KIF26B: variants seen among roughly 807,000 people sequenced by gnomAD.
KIF26B encodes kinesin family member 26B.
A neutral mutation model predicts 151.2 loss-of-function variants in KIF26B; 63 were observed. The observed-to-expected ratio is 0.42, with a 90% CI of 0.34 to 0.51. The LOEUF is 0.51. Among genes scored for constraint, KIF26B ranks in the 20% least tolerant of loss-of-function variants. The pLI is 0.07. For missense variants in KIF26B, 2,813 were observed against 2,913.6 expected, an observed-to-expected ratio of 0.97 and a Z score of 0.79; for synonymous variants, 1,357 against 1,262.1, an observed-to-expected ratio of 1.08 and a Z score of -1.59.
intron 5 of KIF26B, among the ~76,000 whole-genome samples, chr1:245,558,388 CT>C (rs1448842051): frequency 2.0e-5 from 3 of 152,234 alleles, no homozygotes; most frequent in Non-Finnish European, 4.4e-5. Context: ...TTTCTCTCAC[CT>C]TCGGGCCTTT....
chr1:245,366,774 C>A (rs1672963421), intron 2 of KIF26B, 60 bp from the exon 3 acceptor site: 1 of 1,543,106 alleles, frequency 6.5e-7, no homozygotes, highest in Non-Finnish European at 8.9e-7. Context: ...AGGTATCTGA[C>A]TTGCACTAGC....
intron 4 of KIF26B, among the ~76,000 whole-genome samples, chr1:245,429,514 A>G (rs1658728610): frequency 6.6e-6 from 1 of 152,288 alleles, no homozygotes; most frequent in South Asian, 2.1e-4. Flanking sequence ...AGTGACCCAT[A>G]CGGAGAGAGA....
At chr1:245,565,849 G>C (rs1380174916) in intron 5 of KIF26B, among the ~76,000 whole-genome samples, 1 of 152,236 alleles carries the variant, frequency 6.6e-6, no homozygotes, top group Admixed American at 6.5e-5. Flanking sequence ...TGGTTCTGCA[G>C]CTGTACAGGA....
At chr1:245,690,975 G>GTTAATGAACTCTTGTTATTC (rs1283071383) in intron 12 of KIF26B, among the ~76,000 whole-genome samples, 1 of 152,188 alleles carries the variant, frequency 6.6e-6, no homozygotes, top group Non-Finnish European at 1.5e-5. Context: ...CCAGTACCTG[G>GTTAATGAACTCTTGTTATTC]TTAATGAACT....
intron 2 of KIF26B, among the ~76,000 whole-genome samples, chr1:245,312,188 TC>T (rs1409713001): frequency 6.6e-6 from 1 of 152,150 alleles, no homozygotes; most frequent in Non-Finnish European, 1.5e-5. Context: ...CCACCTCCCT[TC>T]CCGCCAGGTA....
chr1:245,616,702 GCAT>G (rs1348478767), intron 9 of KIF26B, among the ~76,000 whole-genome samples: 1 of 152,202 alleles, frequency 6.6e-6, no homozygotes, highest in East Asian at 1.9e-4. Context: ...TCCCCTTGTG[GCAT>G]CATATTGGCC....
intron 10 of KIF26B, among the ~76,000 whole-genome samples, chr1:245,682,274 C>T (rs893399399): frequency 2.0e-5 from 3 of 152,134 alleles, no homozygotes; most frequent in South Asian, 2.1e-4. Flanking sequence ...AAAAAGTCAT[C>T]GAAATGACAG....
chr1:245,637,292 C>G (rs2043843712), intron 9 of KIF26B, among the ~76,000 whole-genome samples: 1 of 151,988 alleles, frequency 6.6e-6, no homozygotes, highest in African/African-American at 2.4e-5. Flanking sequence ...TCACATACCT[C>G]TTGGCCACTT....
In KIF26B at chr1:245,656,326, G is replaced by A. The variant is rs761878531; in HGVS notation, c.2258+10046G>A. Among the ~76,000 whole-genome samples, 7 of 152,310 alleles carry A rather than the reference G, an allele frequency of 4.6e-5. No individual in the cohort carries two copies. The Middle Eastern group carries it at 0.014, about 296-fold the overall frequency. On this transcript the variant is annotated intron_variant, in intron 10 of 14. Coordinates refer to ENST00000407071, the MANE Select transcript of KIF26B (RefSeq NM_018012.4). ...TCATTCTCTACTCACGCTCATCTGTGTCTTCCAAAGTTTGCCACAGTCCGT... is the reference window on the plus strand; with the variant it reads ...TCATTCTCTACTCACGCTCATCTGTATCTTCCAAAGTTTGCCACAGTCCGT...
intron 2 of KIF26B, among the ~76,000 whole-genome samples, chr1:245,274,862 A>G (rs1316455965): frequency 1.3e-5 from 2 of 152,264 alleles, no homozygotes; most frequent in East Asian, 3.9e-4. Flanking sequence ...GCTGGGTCAG[A>G]TGATATTTCT....
At position 245,572,738 on chromosome 1, in the gene KIF26B, C is replaced by T. The variant is rs751412797; in HGVS notation, c.1351-29839C>T. 1.4e-4 allele frequency among the ~76,000 whole-genome samples: 21 copies of T among 152,292 alleles called. No individual in the cohort carries two copies. Among genetic ancestry groups the T allele is most frequent in the South Asian group, 2.1e-4 (1 of 4,820 alleles). On this transcript the variant is annotated intron_variant, in intron 5 of 14. Coordinates refer to ENST00000407071, the MANE Select transcript of KIF26B (RefSeq NM_018012.4). This position sits in a 1 kb window ranked among gnomAD's most constrained non-coding sequence, Gnocchi z 4.2. ...CATTTACTTCATAATGTATTACCTA[C>T]GTATAGTGTATGTTGTTCGCTTCAT...
intron 3 of KIF26B, among the ~76,000 whole-genome samples, chr1:245,410,566 C>A (rs1158593018): frequency 6.6e-6 from 1 of 152,154 alleles, no homozygotes; most frequent in Non-Finnish European, 1.5e-5. Context: ...CCTCCCACCT[C>A]AGCCTCCCGA....
intron 4 of KIF26B, among the ~76,000 whole-genome samples, chr1:245,457,811 A>G (rs182169999): frequency 1.4e-3 from 208 of 152,330 alleles, no homozygotes; most frequent in African/African-American, 4.4e-3. Flanking sequence ...TCTCTCATGT[A>G]TGGTCATTCC....
rs764716301 is a variant in KIF26B, at chr1:245,702,602, G to A, written c.6323G>A (p.Arg2108Gln). Residue 2108 changes from arginine (R) to glutamine (Q), a missense_variant, in exon 15 of 15, where the codon CGG becomes CAG. Physicochemically the swap from Arg to Gln is conservative, Grantham distance 43. This residue lies in a region of KIF26B where 2,060 missense variants were observed against 2,088.6 expected (regional missense o/e 0.99). Coordinates refer to ENST00000407071, the MANE Select transcript of KIF26B (RefSeq NM_018012.4). The surrounding 1 kb of genome is among the most constrained non-coding windows in gnomAD (Gnocchi z 4.1). ...ITCFDITSRR[R>Q] ...TGCTTCGACATCACCTCCAGGCGCC[G>A]GTAGATGAGCCAGACCCTTGTCCTA... 26 of 1,613,550 alleles carry A rather than the reference G, an allele frequency of 1.6e-5. 1 individual carries two copies. The East Asian group carries it at 2.5e-4, about 15-fold the overall frequency.
In KIF26B at chr1:245,649,688, C is replaced by G. The variant is rs1210598729; in HGVS notation, c.2258+3408C>G. ...TATTCTCTTTCCTTCCCCCACCCCC[C>G]CCAAAAAACACAGACACCCCACTAC... On this transcript the variant is annotated intron_variant, in intron 10 of 14. Transcript: ENST00000407071. Among the ~76,000 whole-genome samples the G allele has an allele frequency of 3.3e-5, 5 of 152,048 alleles. 1 individual carries two copies. Among genetic ancestry groups the G allele is most frequent in the South Asian group, 4.2e-4 (2 of 4,818 alleles).
chr1:245,682,251 A>G (rs1194252021), intron 10 of KIF26B, among the ~76,000 whole-genome samples: 1 of 152,268 alleles, frequency 6.6e-6, no homozygotes, highest in Non-Finnish European at 1.5e-5. Context: ...TCTTAGGAAA[A>G]AAAGAAAGAA....
At chr1:245,600,318 G>T (rs531361814) in intron 5 of KIF26B, among the ~76,000 whole-genome samples, 22 of 144,174 alleles carry the variant, frequency 1.5e-4, no homozygotes, top group African/African-American at 5.6e-4. Context: ...GATTACAGGC[G>T]TGAGCCACCA....
chr1:245,670,797 A>C (rs182078901), intron 10 of KIF26B, among the ~76,000 whole-genome samples: 1 of 152,362 alleles, frequency 6.6e-6, no homozygotes, highest in African/African-American at 2.4e-5. Flanking sequence ...ATGTGAAATA[A>C]GCACGTCATG....
At chr1:245,547,585 C>CAAAAA (rs56218217) in intron 5 of KIF26B, among the ~76,000 whole-genome samples, 5 of 114,618 alleles carry the variant, frequency 4.4e-5, no homozygotes, top group Non-Finnish European at 6.9e-5. Flanking sequence ...GACTCCATCT[C>CAAAAA]AAAAAAAAAA....
Sources: gnomAD v4.1 joint callset for allele counts (sites outside exome capture counted in the v4.1 genomes callset) on GRCh38, gnomAD v4.1.1 for gene constraint, gnomAD v4.1.1 regional missense constraint, Gnocchi (gnomAD v3.1) non-coding constraint, MANE v1.5 for transcripts, NCBI Gene and HGNC (gene_info 2026-07-23, HGNC 2026-07-21) for gene names.